Variants in PAX5 observed in about 807,000 individuals in gnomAD.
The protein encoded by PAX5 is paired box 5.
In PAX5, 9 loss-of-function variants were observed where a neutral mutation model predicts 43.7. The ratio of observed to expected loss-of-function variants is 0.21; its 90% CI spans 0.12 to 0.36. The LOEUF (loss-of-function observed/expected upper bound fraction) is 0.36. Ranked by LOEUF, PAX5 falls within the 10% of genes least tolerant of loss-of-function variation. The probability of loss-of-function intolerance (pLI) is 1.00; values close to 1 mark genes in which losing one functional copy is unlikely to be tolerated. For missense variants in PAX5, 383 were observed against 532.7 expected (o/e 0.72, Z 2.77); for synonymous variants, 228 against 214.3 (o/e 1.06, Z -0.56).
At chr9:37,029,518 T>C (rs1200681141) in intron 1 of PAX5, among the ~76,000 whole-genome samples, 1 of 152,212 alleles carries the variant, frequency 6.6e-6, no homozygotes, top group Non-Finnish European at 1.5e-5. Flanking sequence ...TGTCCGGATC[T>C]TCCCCTTTCA....
intron 8 of PAX5, among the ~76,000 whole-genome samples, chr9:36,859,409 A>AG (rs1823978005): frequency 6.6e-6 from 1 of 152,168 alleles, no homozygotes; most frequent in Non-Finnish European, 1.5e-5. Context: ...TGGACCACCC[A>AG]GCTGCTTCGG....
chr9:37,005,593 C>A (rs1588205240), intron 4 of PAX5, among the ~76,000 whole-genome samples: 1 of 152,202 alleles, frequency 6.6e-6, no homozygotes, highest in Non-Finnish European at 1.5e-5. Flanking sequence ...GGACTCTGCC[C>A]ATTCCCCATC....
chr9:36,893,695 G>C (rs1381780359), intron 7 of PAX5, among the ~76,000 whole-genome samples: 1 of 152,194 alleles, frequency 6.6e-6, no homozygotes, highest in Admixed American at 6.5e-5. Flanking sequence ...GACAGAGACA[G>C]GAAAACAATA....
chr9:36,947,616 G>A (rs7870429), intron 6 of PAX5, among the ~76,000 whole-genome samples: 42,575 of 151,760 alleles, frequency 0.28, 6,749 homozygotes, highest in African/African-American at 0.44. Flanking sequence ...TCAAGTGAAA[G>A]TATTTAAGGA....
chr9:37,002,031 C>A (rs925438386), intron 5 of PAX5, among the ~76,000 whole-genome samples: 8 of 151,962 alleles, frequency 5.3e-5, no homozygotes, highest in Non-Finnish European at 1.0e-4. Context: ...GAAAAACCAA[C>A]CGGGAAGATT....
chr9:36,970,235 G>C (rs759372630), intron 5 of PAX5, among the ~76,000 whole-genome samples: 23 of 152,172 alleles, frequency 1.5e-4, no homozygotes, highest in Non-Finnish European at 3.4e-4. Context: ...AGGAATCAGG[G>C]AAGTCTCCAA....
chr9:37,015,480 T>C lies in PAX5; in HGVS notation c.213-286A>G, dbSNP rs550286090. Among the ~76,000 whole-genome samples, 38 of 152,334 alleles carry C rather than the reference T, an allele frequency of 2.5e-4. No homozygotes were observed. Among genetic ancestry groups the C allele is most frequent in the African/African-American group, 8.2e-4 (34 of 41,582 alleles). ...ATGTTGAAATAACAATTTTTATATA[T>C]TGAGTTAAAATATATAATTAAAATA... On this transcript the variant is annotated intron_variant, in intron 2 of 9. Coordinates refer to ENST00000358127, the MANE Select transcript of PAX5 (RefSeq NM_016734.3). The surrounding 1 kb of genome is among the most constrained non-coding windows in gnomAD (Gnocchi z 4.4).
chr9:36,996,698 G>A (rs1490854226), intron 5 of PAX5, among the ~76,000 whole-genome samples: 1 of 151,188 alleles, frequency 6.6e-6, no homozygotes. Context: ...GAGGGGCCCA[G>A]GGCCCCAGCA....
chr9:36,981,822 C>T (rs1835970662), intron 5 of PAX5, among the ~76,000 whole-genome samples: 1 of 152,212 alleles, frequency 6.6e-6, no homozygotes, highest in Non-Finnish European at 1.5e-5. Flanking sequence ...GCAATGGGGT[C>T]AATAAATCAT....
chr9:36,905,959 G>A (rs1828784116), intron 7 of PAX5, among the ~76,000 whole-genome samples: 1 of 152,122 alleles, frequency 6.6e-6, no homozygotes, highest in Admixed American at 6.5e-5. Context: ...TCAACACTGG[G>A]GCAGATGGAG....
At chr9:36,990,681 T>A (rs987326778) in intron 5 of PAX5, among the ~76,000 whole-genome samples, 1 of 152,264 alleles carries the variant, frequency 6.6e-6, no homozygotes, top group Non-Finnish European at 1.5e-5. Context: ...GCAGATTCAA[T>A]GGATATTTAG....
chr9:37,017,666 G>C (rs1308096266), intron 2 of PAX5, among the ~76,000 whole-genome samples: 2 of 152,204 alleles, frequency 1.3e-5, no homozygotes, highest in Admixed American at 6.5e-5. Context: ...TGGGAGGGTG[G>C]CAAGCTGAAG....
intron 8 of PAX5, among the ~76,000 whole-genome samples, chr9:36,863,983 C>A (rs900541021): frequency 1.9e-4 from 29 of 152,186 alleles, no homozygotes; most frequent in African/African-American, 6.3e-4. Flanking sequence ...GTGGCATGTG[C>A]CTGTAGTCCC....
intron 7 of PAX5, among the ~76,000 whole-genome samples, chr9:36,908,347 T>C (rs932173379): frequency 5.9e-5 from 9 of 152,216 alleles, no homozygotes; most frequent in Middle Eastern, 3.4e-3. Flanking sequence ...GAAGCAACTG[T>C]CCCTTCCTTC....
chr9:37,023,652 T>TGCTACCCACCACAGGCCCTCCC (rs1840042427), intron 1 of PAX5, among the ~76,000 whole-genome samples: 1 of 152,122 alleles, frequency 6.6e-6, no homozygotes, highest in African/African-American at 2.4e-5. Flanking sequence ...GATAAGGTCA[T>TGCTACCCACCACAGGCCCTCCC]GCTACCCACC....
intron 6 of PAX5, among the ~76,000 whole-genome samples, chr9:36,936,945 T>C (rs1831611335): frequency 6.6e-6 from 1 of 152,186 alleles, no homozygotes; most frequent in Non-Finnish European, 1.5e-5. Context: ...CGTGATGCTC[T>C]GCAAAGGCAT....
chr9:36,942,624 C>T (rs1832141727), intron 6 of PAX5, among the ~76,000 whole-genome samples: 1 of 152,242 alleles, frequency 6.6e-6, no homozygotes, highest in Non-Finnish European at 1.5e-5. Context: ...TCATACTGGG[C>T]TTTGTTCTGC....
chr9:36,990,559 A>G (rs1836843137), intron 5 of PAX5, among the ~76,000 whole-genome samples: 1 of 152,240 alleles, frequency 6.6e-6, no homozygotes, highest in Non-Finnish European at 1.5e-5. Context: ...TATTATTTGG[A>G]CAAGTCAACG....
At position 37,034,109 on chromosome 9, in the gene PAX5, T is replaced by TTC; in HGVS notation, c.-79_-78insGA. The TTC allele has an allele frequency of 1.2e-6, 1 of 817,940 alleles. No homozygotes were observed. 50.7% of individuals were successfully genotyped at this position (817,940 alleles called of 1,614,324 possible). A position where few individuals can be genotyped will look rare whatever the true frequency, so the allele number is the denominator to read the frequency against. On this transcript the variant is annotated 5_prime_UTR_variant, in exon 1 of 10. Transcript: ENST00000358127. ...GTGCCTTTTTTTTTCTTTTTTTTTT[T>TTC]TTTTTTTTTTTTTTTTTGGTGCCAG...
Sources: allele counts gnomAD v4.1 joint callset (sites outside exome capture counted in the v4.1 genomes callset), GRCh38; gene constraint gnomAD v4.1.1; non-coding constraint Gnocchi (gnomAD v3.1); transcripts MANE v1.5; gene names NCBI Gene and HGNC (gene_info 2026-07-23, HGNC 2026-07-21).